The following KCNN3 variants were observed in gnomAD, a reference collection of about 807,000 sequenced individuals.
KCNN3 encodes small conductance calcium-activated potassium channel protein 3.
A neutral mutation model predicts 62.9 loss-of-function variants in KCNN3; 16 were observed. That is an observed-to-expected ratio of 0.25 (90% confidence interval 0.17 to 0.39). The LOEUF is 0.39. KCNN3 is among the 10% of genes least tolerant of loss of function. The pLI is 1.00. For missense variants in KCNN3, 599 were observed against 949.4 expected (o/e 0.63, Z 4.85); for synonymous variants, 370 against 389.2 (o/e 0.95, Z 0.58).
chr1:154,823,222 TA>T (rs1462077887), intron 1 of KCNN3, among the ~76,000 whole-genome samples: 1 of 152,168 alleles, frequency 6.6e-6, no homozygotes, highest in Non-Finnish European at 1.5e-5. Flanking sequence ...GAAGTAGAGA[TA>T]GCTCCTAGTT....
intron 2 of KCNN3, among the ~76,000 whole-genome samples, chr1:154,786,238 A>G (rs550385809): frequency 3.3e-5 from 5 of 152,370 alleles, no homozygotes; most frequent in East Asian, 3.9e-4. Flanking sequence ...AACTATATCA[A>G]TGTGACTGTA....
intron 7 of KCNN3, among the ~76,000 whole-genome samples, chr1:154,711,332 A>G (rs1474318478): frequency 4.6e-4 from 51 of 109,928 alleles, no homozygotes; most frequent in African/African-American, 1.7e-3. Context: ...ATCACACTCC[A>G]GGGACTGTTG....
rs140955068 is a variant in KCNN3 at position 154,821,135 on chromosome 1, G to A, written c.1029+954C>T. On this transcript the variant is annotated intron_variant, in intron 2 of 7. Coordinates refer to ENST00000271915, the MANE Select transcript of KCNN3 (RefSeq NM_002249.6). ...AGATCGAGACCCAGGAAGGTCACAG[G>A]GCTGGCCAAAGACACACCAAGAAAA... Among the ~76,000 whole-genome samples, 514 of 152,242 alleles carry A rather than the reference G, an allele frequency of 3.4e-3. 6 individuals are homozygous for A. The highest frequency in any genetic ancestry group is 0.012 in the African/African-American group (494 of 41,524).
intron 1 of KCNN3, among the ~76,000 whole-genome samples, chr1:154,847,772 A>C (rs1218558): frequency 0.91 from 138,982 of 152,222 alleles, 64,033 homozygotes; most frequent in East Asian, 1. Context: ...TTAAAAACAG[A>C]GGCCATTTAT....
chr1:154,749,551 G>A (rs1647256483), intron 3 of KCNN3, among the ~76,000 whole-genome samples: 2 of 152,248 alleles, frequency 1.3e-5, no homozygotes, highest in African/African-American at 2.4e-5. Flanking sequence ...GGACGTGGGA[G>A]CTCTGGTTGG....
intron 1 of KCNN3, among the ~76,000 whole-genome samples, chr1:154,827,324 G>A (rs1268224940): frequency 1.3e-5 from 2 of 152,166 alleles, no homozygotes; most frequent in African/African-American, 4.8e-5. Flanking sequence ...AGGGAAGACC[G>A]CATCACTGGT....
chr1:154,810,187 CG>C (rs1368480793), intron 2 of KCNN3, among the ~76,000 whole-genome samples: 3 of 152,026 alleles, frequency 2.0e-5, no homozygotes, highest in Admixed American at 6.5e-5. Flanking sequence ...AGAATATGGG[CG>C]GGGAAACAGG....
At chr1:154,817,767 A>G (rs1290175688) in intron 2 of KCNN3, among the ~76,000 whole-genome samples, 1 of 152,202 alleles carries the variant, frequency 6.6e-6, no homozygotes, top group Non-Finnish European at 1.5e-5. Flanking sequence ...GGGAGAAGCA[A>G]TGGTGAATTC....
At chr1:154,765,212 C>G (rs1648205499) in intron 3 of KCNN3, among the ~76,000 whole-genome samples, 1 of 152,304 alleles carries the variant, frequency 6.6e-6, no homozygotes, top group Non-Finnish European at 1.5e-5. Flanking sequence ...GATCTACCAT[C>G]CCCACACACA....
intron 1 of KCNN3, among the ~76,000 whole-genome samples, chr1:154,825,363 CAT>C (rs1491243956): frequency 3.8e-5 from 5 of 130,450 alleles, no homozygotes; most frequent in African/African-American, 1.1e-4. Context: ...TGATGAGAAT[CAT>C]TTTTTTTTTT....
chr1:154,713,087 T>A (rs1300331787), intron 7 of KCNN3, among the ~76,000 whole-genome samples: 1 of 152,188 alleles, frequency 6.6e-6, no homozygotes, highest in African/African-American at 2.4e-5. Context: ...GCAGTTACCA[T>A]GGCCATCGTT....
At chr1:154,725,773 G>A in intron 5 of KCNN3, 143 bp downstream of exon 5, 1 of 687,576 alleles carries the variant, frequency 1.5e-6, no homozygotes, top group Non-Finnish European at 2.7e-6. Flanking sequence ...TTGATCTCCT[G>A]ACCTTGTGAT....
intron 1 of KCNN3, among the ~76,000 whole-genome samples, chr1:154,833,326 AC>A (rs1393804900): frequency 1.3e-5 from 2 of 152,160 alleles, no homozygotes; most frequent in African/African-American, 4.8e-5. Context: ...GAGAAAAACA[AC>A]CGCCTGCAGG....
intron 3 of KCNN3, among the ~76,000 whole-genome samples, chr1:154,768,190 C>T (rs1037382766): frequency 4.6e-5 from 7 of 152,236 alleles, no homozygotes; most frequent in Non-Finnish European, 7.3e-5. Context: ...CCTGTCCACA[C>T]TACCCTGGTC....
intron 2 of KCNN3, among the ~76,000 whole-genome samples, chr1:154,820,212 A>T (rs998443053): frequency 6.6e-6 from 1 of 152,242 alleles, no homozygotes; most frequent in African/African-American, 2.4e-5. Flanking sequence ...CAGCTGGACC[A>T]GAACAGGCTG....
intron 5 of KCNN3, among the ~76,000 whole-genome samples, chr1:154,722,834 C>T (rs867623341): frequency 1.1e-4 from 16 of 151,466 alleles, no homozygotes; most frequent in African/African-American, 2.9e-4. Flanking sequence ...CAGATTCAAG[C>T]GATTCTCCTG....
intron 2 of KCNN3, among the ~76,000 whole-genome samples, chr1:154,779,112 AT>A (rs1648917535): frequency 6.6e-6 from 1 of 152,150 alleles, no homozygotes; most frequent in South Asian, 2.1e-4. Context: ...GACCAGCTGC[AT>A]GACAGAAGCT....
chr1:154,800,655 C>T (rs574353408), intron 2 of KCNN3, among the ~76,000 whole-genome samples: 39 of 152,290 alleles, frequency 2.6e-4, no homozygotes, highest in Non-Finnish European at 4.6e-4. Context: ...GCCAGCCAGC[C>T]TGAGAAAGTG....
At chr1:154,821,948 G>A in intron 2 of KCNN3, 141 bp downstream of exon 2, 1 of 686,584 alleles carries the variant, frequency 1.5e-6, no homozygotes, top group Non-Finnish European at 2.6e-6. Context: ...CAGAAGAGAA[G>A]AGCCACGATC....
Sources: gnomAD v4.1 joint callset for allele counts (sites outside exome capture counted in the v4.1 genomes callset) on GRCh38, gnomAD v4.1.1 for gene constraint, MANE v1.5 for transcripts, NCBI Gene and HGNC (gene_info 2026-07-23, HGNC 2026-07-21) for gene names.